COMMD10: variants seen among roughly 807,000 people sequenced by gnomAD.
COMMD10 encodes COMM domain containing 10, also known as COMM domain-containing protein 10.
A neutral mutation model predicts 28.9 loss-of-function variants in COMMD10; 33 were observed. That is an observed-to-expected ratio of 1.14 (90% CI 0.87 to 1.53). COMMD10 has a LOEUF of 1.53. Ranked by LOEUF, COMMD10 falls within the 40% of genes most tolerant of loss-of-function variation. The pLI is 0.00. For missense variants in COMMD10, 310 were observed against 233.4 expected (o/e 1.33, Z -2.14); for synonymous variants, 110 against 81.7 (o/e 1.35, Z -1.87).
At chr5:116,153,609 A>C (rs1461371062) in intron 5 of COMMD10, among the ~76,000 whole-genome samples, 1 of 107,384 alleles carries the variant, frequency 9.3e-6, no homozygotes, top group East Asian at 2.3e-4. Flanking sequence ...TTCTCATTGG[A>C]GCTTTGCAAT....
At chr5:116,201,208 C>T (rs1748657670) in intron 5 of COMMD10, among the ~76,000 whole-genome samples, 1 of 152,138 alleles carries the variant, frequency 6.6e-6, no homozygotes, top group South Asian at 2.1e-4. Context: ...AAATAGTTTC[C>T]TCTATGGGCA....
intron 4 of COMMD10, among the ~76,000 whole-genome samples, chr5:116,115,000 A>C (rs1448339085): frequency 6.6e-6 from 1 of 151,978 alleles, no homozygotes; most frequent in Non-Finnish European, 1.5e-5. Context: ...CATTTCCTAC[A>C]CAGGCCCCAG....
At chr5:116,200,874 A>G (rs1204791521) in intron 5 of COMMD10, among the ~76,000 whole-genome samples, 1 of 152,122 alleles carries the variant, frequency 6.6e-6, no homozygotes, top group Admixed American at 6.6e-5. Flanking sequence ...TTATGATTCC[A>G]ACATCCCTGC....
At chr5:116,202,828 C>G (rs189626509) in intron 5 of COMMD10, among the ~76,000 whole-genome samples, 6 of 151,956 alleles carry the variant, frequency 3.9e-5, no homozygotes, top group African/African-American at 1.5e-4. Context: ...TTCTCCCATT[C>G]TGTAGGTTTC....
intron 4 of COMMD10, among the ~76,000 whole-genome samples, chr5:116,111,449 A>AGGTTTTTGTATTGCTGTGTCCTACG (rs1751042927): frequency 6.6e-6 from 1 of 152,086 alleles, no homozygotes; most frequent in African/African-American, 2.4e-5. Context: ...TGTGTCCTAC[A>AGGTTTTTGTATTGCTGTGTCCTACG]GGTTTTTGTA....
At chr5:116,250,653 A>G (rs1334007927) in intron 5 of COMMD10, among the ~76,000 whole-genome samples, 1 of 151,884 alleles carries the variant, frequency 6.6e-6, no homozygotes, top group East Asian at 1.9e-4. Flanking sequence ...TACTAGGAGA[A>G]GGAAAAATGG....
At chr5:116,266,437 T>A (rs1750585770) in intron 5 of COMMD10, among the ~76,000 whole-genome samples, 1 of 151,754 alleles carries the variant, frequency 6.6e-6, no homozygotes, top group South Asian at 2.1e-4. Flanking sequence ...TTATTTCATA[T>A]GAAAATATTG....
chr5:116,121,337 T>TA, intron 4 of COMMD10, among the ~76,000 whole-genome samples: 1 of 152,246 alleles, frequency 6.6e-6, no homozygotes, highest in Non-Finnish European at 1.5e-5. Flanking sequence ...CTGCATAGTA[T>TA]TCCGTGGTGT....
intron 5 of COMMD10, among the ~76,000 whole-genome samples, chr5:116,139,806 T>C (rs1752138502): frequency 6.6e-6 from 1 of 151,742 alleles, no homozygotes; most frequent in Non-Finnish European, 1.5e-5. Flanking sequence ...GCTGTTTTGA[T>C]ATAAATATAC....
At chr5:116,170,804 C>A (rs1466022720) in intron 5 of COMMD10, among the ~76,000 whole-genome samples, 1 of 152,006 alleles carries the variant, frequency 6.6e-6, no homozygotes, top group Non-Finnish European at 1.5e-5. Flanking sequence ...TGAAACTGGA[C>A]CCCTTCCTTA....
At chr5:116,161,119 A>G (rs549933872) in intron 5 of COMMD10, among the ~76,000 whole-genome samples, 8 of 152,218 alleles carry the variant, frequency 5.3e-5, no homozygotes, top group South Asian at 2.1e-4. Flanking sequence ...GTGTATGTGC[A>G]TGTGTATCTG....
chr5:116,225,462 G>C (rs1038496867), intron 5 of COMMD10, among the ~76,000 whole-genome samples: 2 of 148,144 alleles, frequency 1.4e-5, no homozygotes, highest in East Asian at 4.1e-4. Flanking sequence ...TGAGGACCTT[G>C]GTTTTTTGTT....
intron 5 of COMMD10, among the ~76,000 whole-genome samples, chr5:116,204,431 C>CA (rs1561666103): frequency 1.3e-5 from 2 of 151,222 alleles, no homozygotes; most frequent in African/African-American, 2.4e-5. Flanking sequence ...CTCCATCCTC[C>CA]TTTTTTTTTC....
intron 3 of COMMD10, 112 bp from the exon 4 acceptor site, chr5:116,092,433 A>G: frequency 3.0e-6 from 2 of 672,094 alleles, no homozygotes; most frequent in Non-Finnish European, 4.5e-6. Context: ...TAATAGGACT[A>G]TGAAGTTTTC....
In COMMD10 at chr5:116,196,720, TACTA is replaced by T. The variant is rs560365663; in HGVS notation, c.510+62547_510+62550del. 2.7e-3 allele frequency among the ~76,000 whole-genome samples: 400 copies of T among 147,512 alleles called. 1 individual carries two copies. Among genetic ancestry groups the T allele is most frequent in the African/African-American group, 9.8e-3 (371 of 37,738 alleles). ...TCCCTTATGCTGTTAGTCACAGAAA[TACTA>T]ACTATGTGTATATGAATGGCTTTTC... On this transcript the variant is annotated intron_variant, in intron 5 of 6. Coordinates refer to ENST00000274458, the MANE Select transcript of COMMD10 (RefSeq NM_016144.4).
intron 4 of COMMD10, among the ~76,000 whole-genome samples, chr5:116,129,402 A>G (rs1173953969): frequency 7.0e-6 from 1 of 143,434 alleles, no homozygotes; most frequent in Non-Finnish European, 1.5e-5. Context: ...TATACACTAT[A>G]TACTATGTAA....
chr5:116,230,986 G>A (rs1301609821), intron 5 of COMMD10, among the ~76,000 whole-genome samples: 1 of 152,068 alleles, frequency 6.6e-6, no homozygotes, highest in African/African-American at 2.4e-5. Context: ...TGGGGAGTGG[G>A]GATAGTAGCT....
At chr5:116,208,693 C>A (rs1748880951) in intron 5 of COMMD10, among the ~76,000 whole-genome samples, 1 of 7,460 alleles carries the variant, frequency 1.3e-4, no homozygotes, top group Non-Finnish European at 1.3e-3. Flanking sequence ...ATAGAGGTGA[C>A]CACACGTTTT....
chr5:116,122,655 A>C lies in COMMD10; in HGVS notation c.400-11413A>C, dbSNP rs368839518. The stretch of plus-strand genomic sequence containing the variant: ...ATTTGTTTGTGTCCTCTTTTATTTC[A>C]TTGAGCAGTGGTTTGTAGTTCTCCT... On this transcript the variant is annotated intron_variant, in intron 4 of 6. Coordinates refer to ENST00000274458, the MANE Select transcript of COMMD10 (RefSeq NM_016144.4). Among the ~76,000 whole-genome samples, 14 of 152,022 alleles carry C rather than the reference A, an allele frequency of 9.2e-5. No homozygotes were observed. In the East Asian group the frequency reaches 1.2e-3, roughly 13 times the overall value.
Sources: allele counts gnomAD v4.1 joint callset (sites outside exome capture counted in the v4.1 genomes callset), GRCh38; gene constraint gnomAD v4.1.1; transcripts MANE v1.5; gene names NCBI Gene and HGNC (gene_info 2026-07-23, HGNC 2026-07-21).